Variants in PRIM2 observed in about 807,000 individuals in gnomAD.
PRIM2 encodes DNA primase large subunit.
In PRIM2, 39 loss-of-function variants were observed where a neutral mutation model predicts 67.3. That is an observed-to-expected ratio of 0.58 (90% confidence interval 0.45 to 0.76). PRIM2 has a LOEUF of 0.76. Ranked by LOEUF, PRIM2 falls within the 30% of genes least tolerant of loss-of-function variation. The pLI, the probability that PRIM2 is intolerant of heterozygous loss-of-function variation, is 0.00. For missense variants in PRIM2, 398 were observed against 598.7 expected (o/e 0.66, Z 3.50); for synonymous variants, 143 against 198.7 (o/e 0.72, Z 2.36).
intron 7 of PRIM2, chr6:57,493,736 T>C (rs1773946755): frequency 1.3e-5 from 2 of 152,224 alleles, no homozygotes; most frequent in African/African-American, 4.8e-5. Context: ...ACAAAGTGCA[T>C]TTTTATTTAA....
chr6:57,398,375 ACTT>A, intron 7 of PRIM2, among the ~76,000 whole-genome samples: 1 of 152,134 alleles, frequency 6.6e-6, no homozygotes, highest in Non-Finnish European at 1.5e-5. Context: ...GTTTAAAAGA[ACTT>A]CTTAATTTCT....
At chr6:57,356,261 T>C (rs1769027789) in intron 5 of PRIM2, among the ~76,000 whole-genome samples, 1 of 152,170 alleles carries the variant, frequency 6.6e-6, no homozygotes, top group African/African-American at 2.4e-5. Flanking sequence ...TAAAATAGAG[T>C]ATATAATAGT....
At chr6:57,445,865 T>C (rs1309776366) in intron 7 of PRIM2, among the ~76,000 whole-genome samples, 1 of 152,148 alleles carries the variant, frequency 6.6e-6, no homozygotes, top group Non-Finnish European at 1.5e-5. Flanking sequence ...ACCAAAGGGG[T>C]TGTGCTTCCT....
the PRIM2 span, among the ~76,000 whole-genome samples, chr6:57,229,548 T>C: frequency 6.6e-6 from 1 of 151,950 alleles, no homozygotes; most frequent in Non-Finnish European, 1.5e-5. Context: ...AGTGCAGTGG[T>C]GCGATCTTGG....
chr6:57,289,016 G>C, the PRIM2 span, among the ~76,000 whole-genome samples: 5 of 152,174 alleles, frequency 3.3e-5, no homozygotes, highest in African/African-American at 1.2e-4. Flanking sequence ...TGAGCTAAAG[G>C]AGCATGTTCT....
At chr6:57,604,178 A>G (rs1208509937) in intron 11 of PRIM2, among the ~76,000 whole-genome samples, 2 of 152,252 alleles carry the variant, frequency 1.3e-5, no homozygotes, top group Admixed American at 1.3e-4. Context: ...TTAGCCAGGC[A>G]TGGTGGCGTG....
intron 8 of PRIM2, among the ~76,000 whole-genome samples, chr6:57,515,252 C>T (rs1774458879): frequency 6.6e-6 from 1 of 152,120 alleles, no homozygotes; most frequent in Non-Finnish European, 1.5e-5. Context: ...ATATGTATAG[C>T]TTTTGGGATT....
At chr6:57,292,070 A>T in the PRIM2 span, among the ~76,000 whole-genome samples, 1 of 152,218 alleles carries the variant, frequency 6.6e-6, no homozygotes, top group Non-Finnish European at 1.5e-5. Context: ...CTGTTTGCAG[A>T]TGACATGATT....
intron 8 of PRIM2, among the ~76,000 whole-genome samples, chr6:57,525,992 G>A (rs1774743397): frequency 6.6e-6 from 1 of 152,170 alleles, no homozygotes; most frequent in Non-Finnish European, 1.5e-5. Context: ...ATCCAGATCA[G>A]GACAACAACT....
chr6:57,491,631 TATAAC>T (rs1198778310), intron 7 of PRIM2, among the ~76,000 whole-genome samples: 5 of 152,316 alleles, frequency 3.3e-5, no homozygotes, highest in South Asian at 4.1e-4. Context: ...AACAATAACA[TATAAC>T]AGAAATGATT....
At chr6:57,501,164 ATT>A (rs1774122252) in intron 7 of PRIM2, among the ~76,000 whole-genome samples, 1 of 152,232 alleles carries the variant, frequency 6.6e-6, no homozygotes, top group Non-Finnish European at 1.5e-5. Flanking sequence ...TTTTAGCTAT[ATT>A]AAGCAAATCT....
At chr6:57,468,135 G>T (rs1773249653) in intron 7 of PRIM2, among the ~76,000 whole-genome samples, 1 of 152,114 alleles carries the variant, frequency 6.6e-6, no homozygotes, top group South Asian at 2.1e-4. Context: ...TCTCTTGCCT[G>T]ATTTCCCTAG....
At chr6:57,573,747 A>G (rs1371722446) in intron 10 of PRIM2, among the ~76,000 whole-genome samples, 1 of 152,234 alleles carries the variant, frequency 6.6e-6, no homozygotes, top group Non-Finnish European at 1.5e-5. Flanking sequence ...GTGATATAGC[A>G]TAGGAAAACA....
intron 12 of PRIM2, among the ~76,000 whole-genome samples, chr6:57,621,581 C>T (rs1477460974): frequency 1.3e-5 from 2 of 152,022 alleles, no homozygotes; most frequent in African/African-American, 4.8e-5. Flanking sequence ...TATACAAAAA[C>T]TCCACTTCTG....
the PRIM2 span, among the ~76,000 whole-genome samples, chr6:57,239,532 G>T: frequency 2.0e-4 from 30 of 152,130 alleles, 1 homozygote; most frequent in Admixed American, 4.6e-4. Context: ...TTCAGGAATT[G>T]GAGACCAGCC....
chr6:57,470,426 TCCCCCTCTCCCCTCTCCCCCTCTCCCCTC>T, intron 7 of PRIM2, among the ~76,000 whole-genome samples: 1 of 41,748 alleles, frequency 2.4e-5, no homozygotes, highest in Non-Finnish European at 4.2e-5. Flanking sequence ...CTCTCCCCTC[TCCCCCTCTCCCCTCTCCCCCTCTCCCCTC>T]TCCCCGTCTC....
At chr6:57,245,193 T>C in the PRIM2 span, among the ~76,000 whole-genome samples, 6 of 152,286 alleles carry the variant, frequency 3.9e-5, no homozygotes, top group African/African-American at 1.4e-4. Context: ...CAAGGCATGT[T>C]ACCAGGCCAG....
At chr6:57,581,055 A>G (rs1776075997) in intron 10 of PRIM2, among the ~76,000 whole-genome samples, 1 of 152,224 alleles carries the variant, frequency 6.6e-6, no homozygotes, top group Admixed American at 6.5e-5. Context: ...TTTGCATTTA[A>G]TTCCTCAAAA....
chr6:57,596,827 C>T (rs1776376246), intron 10 of PRIM2, among the ~76,000 whole-genome samples: 1 of 152,042 alleles, frequency 6.6e-6, no homozygotes, highest in Non-Finnish European at 1.5e-5. Context: ...ATCATTTAAA[C>T]TCTTTCTCAG....
Sources: gnomAD v4.1 joint callset for allele counts (sites outside exome capture counted in the v4.1 genomes callset) on GRCh38, gnomAD v4.1.1 for gene constraint, MANE v1.5 for transcripts, NCBI Gene and HGNC (gene_info 2026-07-23, HGNC 2026-07-21) for gene names.